CAMK2D: variants seen among roughly 807,000 people sequenced by gnomAD.
The protein encoded by CAMK2D is calcium/calmodulin-dependent protein kinase type II subunit delta.
CAMK2D carries 37 observed loss-of-function variants against 84.0 expected under a neutral mutation model. The ratio of observed to expected loss-of-function variants is 0.44; its 90% CI spans 0.34 to 0.58. The LOEUF (loss-of-function observed/expected upper bound fraction) is 0.58. Among genes scored for constraint, CAMK2D ranks in the 20% least tolerant of loss-of-function variants. The pLI, the probability that CAMK2D is intolerant of heterozygous loss-of-function variation, is 0.02. For synonymous variants in CAMK2D, 202 were observed against 212.5 expected, an observed-to-expected ratio of 0.95 and a Z score of 0.43; for missense variants, 448 against 652.5, an observed-to-expected ratio of 0.69 and a Z score of 3.41.
At chr4:113,634,192 T>A (rs530389154) in intron 3 of CAMK2D, among the ~76,000 whole-genome samples, 1 of 152,326 alleles carries the variant, frequency 6.6e-6, no homozygotes, top group South Asian at 2.1e-4. Flanking sequence ...TCTCCCCTAT[T>A]CTGATCCTGT....
chr4:113,554,186 T>A (rs2098648901), intron 4 of CAMK2D, among the ~76,000 whole-genome samples: 1 of 152,164 alleles, frequency 6.6e-6, no homozygotes, highest in Non-Finnish European at 1.5e-5. Flanking sequence ...TGTTAGCATC[T>A]AACCTAGCAT....
intron 2 of CAMK2D, among the ~76,000 whole-genome samples, chr4:113,727,372 G>T (rs927172768): frequency 1.3e-5 from 2 of 152,100 alleles, no homozygotes; most frequent in African/African-American, 4.8e-5. Flanking sequence ...TATCAGTACA[G>T]TGTCCAGAAA....
At chr4:113,593,242 T>C (rs2098901886) in intron 4 of CAMK2D, among the ~76,000 whole-genome samples, 1 of 152,182 alleles carries the variant, frequency 6.6e-6, no homozygotes, top group Non-Finnish European at 1.5e-5. Context: ...ACTCTGTAAT[T>C]AGAACAAGTA....
chr4:113,578,938 T>C (rs1043434274), intron 4 of CAMK2D, among the ~76,000 whole-genome samples: 1 of 151,880 alleles, frequency 6.6e-6, no homozygotes, highest in African/African-American at 2.4e-5. Context: ...ATCTGAAGAA[T>C]GACAAACAAT....
chr4:113,752,822 A>G (rs988770820), intron 2 of CAMK2D, among the ~76,000 whole-genome samples: 2 of 152,084 alleles, frequency 1.3e-5, no homozygotes, highest in African/African-American at 4.8e-5. Flanking sequence ...CTTCACTTTG[A>G]TCTTGTTATA....
intron 4 of CAMK2D, among the ~76,000 whole-genome samples, chr4:113,601,947 C>T (rs920399266): frequency 6.6e-6 from 1 of 152,046 alleles, no homozygotes; most frequent in Non-Finnish European, 1.5e-5. Context: ...TCTCCTGTCT[C>T]AGCCTCCCAA....
At chr4:113,462,338 G>GTCTGTCTGTCTGTCTATCTATCTATCTA (rs1554637439) in intron 17 of CAMK2D, among the ~76,000 whole-genome samples, 4 of 130,524 alleles carry the variant, frequency 3.1e-5, no homozygotes, top group South Asian at 2.6e-4. Flanking sequence ...CTGTCTGTCT[G>GTCTGTCTGTCTGTCTATCTATCTATCTA]TCTATCTATC....
intron 4 of CAMK2D, among the ~76,000 whole-genome samples, chr4:113,575,069 C>A (rs1475032641): frequency 6.6e-6 from 1 of 152,168 alleles, no homozygotes; most frequent in Non-Finnish European, 1.5e-5. Context: ...CTCCACAAAA[C>A]TCAGGTAGTA....
intron 4 of CAMK2D, among the ~76,000 whole-genome samples, chr4:113,557,767 C>T (rs1003162449): frequency 1.3e-5 from 2 of 152,134 alleles, no homozygotes; most frequent in Non-Finnish European, 2.9e-5. Context: ...CTACCCTTAG[C>T]TCCCCAAAAT....
chr4:113,551,288 A>C (rs948660292), intron 5 of CAMK2D, among the ~76,000 whole-genome samples: 1 of 152,176 alleles, frequency 6.6e-6, no homozygotes, highest in Non-Finnish European at 1.5e-5. Context: ...TTAGACAAAA[A>C]ACTTAGCCTT....
chr4:113,463,530 C>T (rs564895460), intron 17 of CAMK2D, among the ~76,000 whole-genome samples: 5 of 152,146 alleles, frequency 3.3e-5, no homozygotes, highest in Non-Finnish European at 7.3e-5. Flanking sequence ...GCATGGACCA[C>T]CACACCTGGC....
intron 17 of CAMK2D, 72 bp downstream of exon 17, chr4:113,465,457 G>T: frequency 1.2e-6 from 1 of 847,610 alleles, no homozygotes; most frequent in Non-Finnish European, 2.0e-6. Flanking sequence ...ATTCAGACAT[G>T]TTGAATAATG....
At chr4:113,575,887 G>A (rs2098779242) in intron 4 of CAMK2D, among the ~76,000 whole-genome samples, 1 of 151,442 alleles carries the variant, frequency 6.6e-6, no homozygotes, top group African/African-American at 2.4e-5. Flanking sequence ...GTTATGTAAA[G>A]TTTTTTTTTG....
At chr4:113,620,873 T>A (rs1306458841) in intron 3 of CAMK2D, among the ~76,000 whole-genome samples, 1 of 152,174 alleles carries the variant, frequency 6.6e-6, no homozygotes, top group East Asian at 1.9e-4. Flanking sequence ...TTTTGGTATT[T>A]TATTACTATT....
intron 2 of CAMK2D, among the ~76,000 whole-genome samples, chr4:113,752,614 A>T (rs17636609): frequency 0.14 from 21,173 of 152,118 alleles, 1,601 homozygotes; most frequent in Middle Eastern, 0.17. Context: ...GCTGAGTTTT[A>T]GTTTGCAGTG....
intron 12 of CAMK2D, among the ~76,000 whole-genome samples, chr4:113,511,111 G>GAAAT (rs2098206945): frequency 6.6e-6 from 1 of 151,772 alleles, no homozygotes; most frequent in Admixed American, 6.6e-5. Context: ...TACCTCACAA[G>GAAAT]AAATACATTC....
At chr4:113,734,196 TGAA>T (rs2099575768) in intron 2 of CAMK2D, among the ~76,000 whole-genome samples, 1 of 152,166 alleles carries the variant, frequency 6.6e-6, no homozygotes, top group Non-Finnish European at 1.5e-5. Flanking sequence ...ACACAGAAGA[TGAA>T]GAGTAATTTA....
intron 2 of CAMK2D, among the ~76,000 whole-genome samples, chr4:113,718,472 T>C (rs2099520248): frequency 6.6e-6 from 1 of 152,154 alleles, no homozygotes; most frequent in Non-Finnish European, 1.5e-5. Flanking sequence ...GCAAAATATC[T>C]CAAACTATGA....
intron 13 of CAMK2D, chr4:113,508,349 G>C: frequency 9.5e-7 from 1 of 1,051,802 alleles, no homozygotes; most frequent in Non-Finnish European, 1.4e-6. Context: ...ATGGAGTATA[G>C]AATAATTTTG....
Sources: allele counts gnomAD v4.1 joint callset (sites outside exome capture counted in the v4.1 genomes callset), GRCh38; gene constraint gnomAD v4.1.1; transcripts MANE v1.5; gene names NCBI Gene and HGNC (gene_info 2026-07-23, HGNC 2026-07-21).